PSMA5: variants seen among roughly 807,000 people sequenced by gnomAD.
PSMA5 encodes the protein proteasome 20S subunit alpha 5, also known as proteasome subunit alpha type-5.
PSMA5 carries 3 observed loss-of-function variants against 34.5 expected under a neutral mutation model. The observed-to-expected ratio is 0.09, with a 90% CI of 0.04 to 0.22. The LOEUF (loss-of-function observed/expected upper bound fraction) is 0.22. Ranked by LOEUF, PSMA5 falls within the 10% of genes least tolerant of loss-of-function variation. PSMA5 has a pLI of 1.00. For synonymous variants in PSMA5, 88 were observed against 95.8 expected (o/e 0.92, Z 0.47); for missense variants, 120 against 286.1 (o/e 0.42, Z 4.19).
intron 7 of PSMA5, among the ~76,000 whole-genome samples, 174 bp from the exon 8 acceptor site, chr1:109,410,188 A>G (rs557715644): frequency 2.6e-5 from 4 of 152,332 alleles, no homozygotes; most frequent in African/African-American, 9.6e-5. Flanking sequence ...AATAAGTAGA[A>G]TACATTTTTT....
rs575195757 is a variant in PSMA5, at chr1:109,411,575, T to C, written c.458+302A>G. Among the ~76,000 whole-genome samples the C allele has an allele frequency of 9.9e-5, 15 of 151,808 alleles. No individual in the cohort carries two copies. In the East Asian group the frequency reaches 2.3e-3, roughly 24 times the overall value. ...TAGAAGCCATATATATGTATATACA[T>C]ACACACACACACACTCTACAATAGC... is the stretch of plus-strand genomic sequence containing the variant. On this transcript the variant is annotated intron_variant, in intron 6 of 8. Transcript: ENST00000271308.
At chr1:109,412,831 C>CAA in intron 4 of PSMA5, 19 of 363,398 alleles carry the variant, frequency 5.2e-5, no homozygotes, top group East Asian at 1.4e-4. Context: ...TAGGCAAAGC[C>CAA]AAAAAAAAAA....
At chr1:109,425,359 C>G (rs1354181194) in intron 1 of PSMA5, 2 of 152,188 alleles carry the variant, frequency 1.3e-5, no homozygotes, top group Non-Finnish European at 2.9e-5. Context: ...GAAGATGATT[C>G]TCTTCAATGT....
intron 8 of PSMA5, among the ~76,000 whole-genome samples, chr1:109,406,830 C>T (rs1467999012): frequency 6.6e-6 from 1 of 152,046 alleles, no homozygotes; most frequent in Non-Finnish European, 1.5e-5. Context: ...GGGGGTTGTA[C>T]ATTTGTCAAC....
intron 1 of PSMA5, chr1:109,425,996 T>C (rs919137650): frequency 3.1e-5 from 17 of 541,824 alleles, no homozygotes; most frequent in East Asian, 3.0e-4. Flanking sequence ...AGAGTGACCC[T>C]TGGCCTTCTC....
At chr1:109,407,764 C>A (rs1441752588) in intron 8 of PSMA5, among the ~76,000 whole-genome samples, 1 of 152,088 alleles carries the variant, frequency 6.6e-6, no homozygotes, top group Non-Finnish European at 1.5e-5. Flanking sequence ...GCCTCAGCCT[C>A]CCGAATAGCT....
chr1:109,423,894 C>T (rs941099760), intron 1 of PSMA5, among the ~76,000 whole-genome samples: 2 of 152,196 alleles, frequency 1.3e-5, no homozygotes, highest in African/African-American at 4.8e-5. Context: ...TATTTAACAG[C>T]ACACAGTTGC....
At chr1:109,411,817 A>G (rs551610479) in intron 6 of PSMA5, 60 bp downstream of exon 6, 1 of 1,498,190 alleles carries the variant, frequency 6.7e-7, no homozygotes, top group East Asian at 2.3e-5. Context: ...CTCAGTCTCC[A>G]CCCCAAATTA....
At chr1:109,415,519 T>G (rs193092058) in intron 2 of PSMA5, among the ~76,000 whole-genome samples, 156 bp from the exon 3 acceptor site, 2 of 152,350 alleles carry the variant, frequency 1.3e-5, no homozygotes, top group African/African-American at 4.8e-5. Context: ...TGTAAGTAAT[T>G]AATATACTAT....
Position 109,411,064 on chromosome 1 carries a change from T to C in PSMA5, c.508A>G (p.Ile170Val). The change falls in exon 7 of 9, where the codon ATT becomes GTT. Residue 170 changes from isoleucine (I) to valine (V), a missense_variant. By Grantham distance (29) the Ile-to-Val change is conservative. Around this residue, in one of 3 missense-constraint regions of PSMA5, gnomAD observed 83 missense variants for 203.2 expected, o/e 0.41. Coordinates refer to ENST00000271308, the MANE Select transcript of PSMA5 (RefSeq NM_002790.4). ...TGGGCACCCTCTGAAGCAGAGCCAATTGCTCGAGCATCACACTGTACAAAG... is the reference window on the plus strand; with the variant it reads ...TGGGCACCCTCTGAAGCAGAGCCAACTGCTCGAGCATCACACTGTACAAAG... Reference protein sequence around the residue: ...GTFVQCDARAIGSASEGAQSS... With the variant: ...GTFVQCDARAVGSASEGAQSS... 1 of 1,613,776 alleles carries C rather than the reference T, an allele frequency of 6.2e-7. No homozygotes were observed. Among genetic ancestry groups the C allele is most frequent in the Non-Finnish European group, 8.5e-7 (1 of 1,179,852 alleles).
intron 8 of PSMA5, among the ~76,000 whole-genome samples, chr1:109,405,005 G>A (rs1186653555): frequency 6.6e-6 from 1 of 152,216 alleles, no homozygotes; most frequent in Non-Finnish European, 1.5e-5. Context: ...GACAGGAAGG[G>A]CAAACAATGT....
At chr1:109,420,638 ATTGTT>A (rs1654403868) in intron 2 of PSMA5, among the ~76,000 whole-genome samples, 1 of 152,178 alleles carries the variant, frequency 6.6e-6, no homozygotes, top group African/African-American at 2.4e-5. Flanking sequence ...TTGTTCTCTA[ATTGTT>A]TTATGTATAG....
chr1:109,412,807 G>A (rs1422258058), intron 4 of PSMA5: 3 of 343,700 alleles, frequency 8.7e-6, no homozygotes, highest in Non-Finnish European at 1.6e-5. Flanking sequence ...AGGAAACAAT[G>A]CATGCTTTAT....
At chr1:109,421,169 A>T (rs1200885132) in intron 2 of PSMA5, among the ~76,000 whole-genome samples, 1 of 152,176 alleles carries the variant, frequency 6.6e-6, no homozygotes, top group Non-Finnish European at 1.5e-5. Flanking sequence ...CATGGGTGAC[A>T]GAGTGAGACC....
chr1:109,402,094 G>C lies in PSMA5; in HGVS notation c.649-4C>G, dbSNP rs772126222. On this transcript the variant is annotated splice_region_variant and splice_polypyrimidine_tract_variant and intron_variant, in intron 8 of 8. Coordinates refer to ENST00000271308, the MANE Select transcript of PSMA5 (RefSeq NM_002790.4). ...GGCCAGGCTGCACTGTGGCTAGCTG[G>C]AAAGAAAACAGAAGGGTTAATAAGC... 6.2e-7 allele frequency: 1 copy of C among 1,609,360 alleles called. No homozygotes were observed. Among genetic ancestry groups the C allele is most frequent in the Admixed American group, 1.7e-5 (1 of 59,706 alleles).
At position 109,412,147 on chromosome 1, in the gene PSMA5, T is replaced by C; in HGVS notation, c.329A>G (p.Glu110Gly). 1 of 1,614,040 alleles carries C rather than the reference T, an allele frequency of 6.2e-7. No homozygotes were observed. The change falls in exon 5 of 9, where the codon GAG becomes GGG. Residue 110 changes from glutamate (E) to glycine (G), a missense_variant. By Grantham distance (98) the Glu-to-Gly change is moderately conservative. Coordinates refer to ENST00000271308, the MANE Select transcript of PSMA5 (RefSeq NM_002790.4). ...WFTYNETMTVESVTQAVSNLA... is the reference protein window; with the variant it reads ...WFTYNETMTVGSVTQAVSNLA... Reference sequence around the variant, plus strand: ...ATTGGACACAGCTTGGGTCACACTCTCCACTGTCATTGTCTCATTGTAGGT... The same window carrying C: ...ATTGGACACAGCTTGGGTCACACTCCCCACTGTCATTGTCTCATTGTAGGT...
At chr1:109,422,271 T>C (rs1196436324) in intron 1 of PSMA5, among the ~76,000 whole-genome samples, 2 of 152,128 alleles carry the variant, frequency 1.3e-5, no homozygotes, top group Non-Finnish European at 2.9e-5. Flanking sequence ...TATCAGCCAA[T>C]TTCCAAGAAA....
In PSMA5 at chr1:109,401,961, G is replaced by T. The variant is rs541685340; in HGVS notation, c.*52C>A. ...ACAGGAGCTGGAAATAAAATTTAAG[G>T]ACATTATTAGAACTGAAATTGTCCC... is the stretch of plus-strand genomic sequence containing the variant. On this transcript the variant is annotated 3_prime_UTR_variant, in exon 9 of 9. Transcript: ENST00000271308. 5.1e-6 allele frequency: 7 copies of T among 1,372,176 alleles called. No homozygotes were observed. The Admixed American group carries it at 9.3e-5, about 18-fold the overall frequency. 85.0% of individuals were successfully genotyped at this position (1,372,176 alleles called of 1,614,324 possible).
chr1:109,424,160 A>G (rs557382877), intron 1 of PSMA5, among the ~76,000 whole-genome samples: 1 of 152,308 alleles, frequency 6.6e-6, no homozygotes, highest in South Asian at 2.1e-4. Flanking sequence ...TTTAAATGTC[A>G]GCTCCTTTGT....
Sources: gnomAD v4.1 joint callset for allele counts (sites outside exome capture counted in the v4.1 genomes callset) on GRCh38, gnomAD v4.1.1 for gene constraint, gnomAD v4.1.1 regional missense constraint, MANE v1.5 for transcripts, NCBI Gene and HGNC (gene_info 2026-07-23, HGNC 2026-07-21) for gene names.